Variants in NDUFAF6 observed in about 807,000 individuals in gnomAD.
NDUFAF6 encodes NADH:ubiquinone oxidoreductase complex assembly factor 6, also known as NADH dehydrogenase (ubiquinone) complex I, assembly factor 6.
Under a neutral mutation model 40.8 loss-of-function variants are expected in NDUFAF6, and 45 were observed. That is an observed-to-expected ratio of 1.10 (90% CI 0.87 to 1.42). The LOEUF is 1.42. Ranked by LOEUF, NDUFAF6 falls within the 40% of genes most tolerant of loss-of-function variation. The pLI, the probability that NDUFAF6 is intolerant of heterozygous loss-of-function variation, is 0.00. For missense variants in NDUFAF6, 435 were observed against 418.5 expected, an observed-to-expected ratio of 1.04 and a Z score of -0.34; for synonymous variants, 185 against 155.9, an observed-to-expected ratio of 1.19 and a Z score of -1.39.
At chr8:95,062,372 A>G (rs1832593270), downstream of NDUFAF6, among the ~76,000 whole-genome samples, 1 of 152,222 alleles carries the variant, frequency 6.6e-6, no homozygotes, top group Non-Finnish European at 1.5e-5. Flanking sequence ...ACCTACATCT[A>G]GTAAAAAACA....
downstream of NDUFAF6, among the ~76,000 whole-genome samples, chr8:95,062,443 A>G (rs1333245147): frequency 2.0e-5 from 3 of 152,244 alleles, no homozygotes; most frequent in Non-Finnish European, 4.4e-5. Flanking sequence ...GCCTGCAGGC[A>G]TATTTTGTTT....
intron 1 of NDUFAF6, among the ~76,000 whole-genome samples, chr8:94,933,633 T>C (rs375324396): frequency 6.6e-6 from 1 of 151,936 alleles, no homozygotes. Context: ...GGTGTGGTAG[T>C]GCACGCCTGT....
At chr8:95,037,063 T>A (rs1269400080) in intron 3 of NDUFAF6, among the ~76,000 whole-genome samples, 2 of 152,266 alleles carry the variant, frequency 1.3e-5, no homozygotes, top group East Asian at 3.8e-4. Context: ...ACTTTTCTGC[T>A]GCACTGTTTC....
At chr8:94,903,869 G>A (rs1818192854) in intron 1 of NDUFAF6, among the ~76,000 whole-genome samples, 2 of 152,142 alleles carry the variant, frequency 1.3e-5, no homozygotes, top group Non-Finnish European at 2.9e-5. Context: ...TTGATGCTAG[G>A]CTGAACCAGG....
intron 1 of NDUFAF6, among the ~76,000 whole-genome samples, chr8:94,924,949 G>A (rs995125124): frequency 1.1e-4 from 17 of 152,108 alleles, no homozygotes; most frequent in African/African-American, 4.1e-4. Context: ...TGCCATGTTG[G>A]CCAGGTTGGT....
At position 95,053,080 on chromosome 8, in the gene NDUFAF6, T is replaced by C. The variant is rs1831627036; in HGVS notation, c.873+850T>C. Among the ~76,000 whole-genome samples, 5 of 152,298 alleles carry C rather than the reference T, an allele frequency of 3.3e-5. No homozygotes were observed. In the South Asian group the frequency reaches 1.0e-3, roughly 32 times the overall value. The stretch of plus-strand genomic sequence containing the variant: ...GTAATACCAAACATATCTTCTACCT[T>C]TTCCCCTGAAATATACTTAGAAATT... On this transcript the variant is annotated intron_variant, in intron 8 of 8. Coordinates refer to ENST00000396124, the MANE Select transcript of NDUFAF6 (RefSeq NM_152416.4).
intron 9 of NDUFAF6, among the ~76,000 whole-genome samples, chr8:95,072,363 A>G (rs1354248814): frequency 6.6e-6 from 1 of 152,182 alleles, no homozygotes; most frequent in Non-Finnish European, 1.5e-5. Flanking sequence ...TTATACTGGT[A>G]TACACTTTCA....
At chr8:95,050,560 G>A (rs1831312559) in intron 7 of NDUFAF6, among the ~76,000 whole-genome samples, 2 of 152,156 alleles carry the variant, frequency 1.3e-5, no homozygotes, top group Non-Finnish European at 2.9e-5. Context: ...AGGGTTATTT[G>A]GATAAATGAG....
intron 2 of NDUFAF6, among the ~76,000 whole-genome samples, chr8:94,986,086 G>T (rs1274435809): frequency 6.6e-6 from 1 of 151,694 alleles, no homozygotes; most frequent in African/African-American, 2.4e-5. Context: ...TGTTAACCAG[G>T]ATGGTCTCGA....
At chr8:95,041,140 C>T (rs907889123) in intron 3 of NDUFAF6, among the ~76,000 whole-genome samples, 1 of 152,082 alleles carries the variant, frequency 6.6e-6, no homozygotes, top group Non-Finnish European at 1.5e-5. Flanking sequence ...AATACCAGCA[C>T]TTTGGGAGGT....
At chr8:94,941,265 T>C (rs1563732091) in intron 1 of NDUFAF6, among the ~76,000 whole-genome samples, 1 of 152,198 alleles carries the variant, frequency 6.6e-6, no homozygotes, top group Non-Finnish European at 1.5e-5. Context: ...GTTTTGTAAA[T>C]ACTCTTACTC....
intron 2 of NDUFAF6, among the ~76,000 whole-genome samples, chr8:94,992,482 C>T (rs966352581): frequency 2.0e-5 from 3 of 151,422 alleles, no homozygotes; most frequent in Admixed American, 6.6e-5. Flanking sequence ...GCAAGACTCC[C>T]GTCTCAAAAG....
intron 1 of NDUFAF6, among the ~76,000 whole-genome samples, chr8:94,897,761 C>T (rs1309496711): frequency 1.4e-5 from 2 of 145,754 alleles, no homozygotes; most frequent in Non-Finnish European, 3.0e-5. Flanking sequence ...ATCCTTTTCC[C>T]TGTGCTACAG....
chr8:95,106,328 G>T (rs541139176), downstream of NDUFAF6, among the ~76,000 whole-genome samples: 5 of 150,802 alleles, frequency 3.3e-5, no homozygotes, highest in African/African-American at 9.8e-5. Context: ...AAATAATACC[G>T]CACATCTACA....
At chr8:95,031,556 A>T (rs560011780) in intron 1 of NDUFAF6, among the ~76,000 whole-genome samples, 13 of 152,348 alleles carry the variant, frequency 8.5e-5, no homozygotes, top group Middle Eastern at 3.4e-3. Context: ...AGGAACGGTT[A>T]TAAAAAATAA....
At chr8:95,080,887 T>G (rs1275834962), downstream of NDUFAF6, among the ~76,000 whole-genome samples, 1 of 152,140 alleles carries the variant, frequency 6.6e-6, no homozygotes, top group Non-Finnish European at 1.5e-5. Flanking sequence ...AGCTGTGTTA[T>G]CCCAGGATTT....
intron 4 of NDUFAF6, among the ~76,000 whole-genome samples, chr8:95,109,998 T>TA (rs2132085845): frequency 6.6e-6 from 1 of 152,334 alleles, no homozygotes; most frequent in South Asian, 2.1e-4. Context: ...TGGATTGTGG[T>TA]AAAAAGCATT....
At chr8:94,927,929 A>G (rs569167064) in intron 1 of NDUFAF6, 108 of 152,610 alleles carry the variant, frequency 7.1e-4, no homozygotes, top group African/African-American at 2.5e-3. Flanking sequence ...AAAAGCTCAT[A>G]AAATGCATTT....
At chr8:95,089,048 CA>C (rs1246182807) in intron 2 of NDUFAF6, among the ~76,000 whole-genome samples, 4 of 151,750 alleles carry the variant, frequency 2.6e-5, no homozygotes, top group African/African-American at 9.7e-5. Context: ...AGGCATGAGC[CA>C]CCGCGCCCAG....
Sources: gnomAD v4.1 joint callset for allele counts (sites outside exome capture counted in the v4.1 genomes callset) on GRCh38, gnomAD v4.1.1 for gene constraint, MANE v1.5 for transcripts, NCBI Gene and HGNC (gene_info 2026-07-23, HGNC 2026-07-21) for gene names.